Variants in STK3 observed in about 807,000 individuals in gnomAD.
The protein encoded by STK3 is serine/threonine kinase 3.
In STK3, 41 loss-of-function variants were observed where a neutral mutation model predicts 58.0. That is an observed-to-expected ratio of 0.71 (90% CI 0.55 to 0.92). The LOEUF is 0.92. STK3 is among the 40% of genes least tolerant of loss of function. The pLI is 0.00. For synonymous variants in STK3, 170 were observed against 191.0 expected, an observed-to-expected ratio of 0.89 and a Z score of 0.91; for missense variants, 479 against 602.7, an observed-to-expected ratio of 0.79 and a Z score of 2.15.
chr8:98,903,698 T>C (rs577092550), intron 1 of STK3, among the ~76,000 whole-genome samples: 2 of 152,154 alleles, frequency 1.3e-5, no homozygotes, highest in Admixed American at 1.3e-4. Flanking sequence ...CCACTGTGCC[T>C]GGCCTTAGGC....
intron 10 of STK3, among the ~76,000 whole-genome samples, chr8:98,469,485 C>CT (rs1455500059): frequency 6.6e-6 from 1 of 152,174 alleles, no homozygotes; most frequent in African/African-American, 2.4e-5. Flanking sequence ...AGCCAGACAC[C>CT]TGCCTTCTGA....
intron 3 of STK3, among the ~76,000 whole-genome samples, chr8:98,837,190 GA>G (rs1224855860): frequency 6.6e-6 from 1 of 151,912 alleles, no homozygotes; most frequent in Non-Finnish European, 1.5e-5. Flanking sequence ...CCTATGAAGG[GA>G]AAATATAGAA....
chr8:98,388,297 C>T (rs553717475), upstream of STK3: 6 of 152,072 alleles, frequency 3.9e-5, no homozygotes, highest in African/African-American at 1.4e-4. Context: ...ATATTGTAGC[C>T]CCCACTGTTA....
At chr8:98,913,821 C>T (rs1839239903) in intron 1 of STK3, among the ~76,000 whole-genome samples, 1 of 152,358 alleles carries the variant, frequency 6.6e-6, no homozygotes, top group East Asian at 1.9e-4. Flanking sequence ...TTGCCTCTGG[C>T]AGCCACAGGC....
chr8:98,644,458 T>A (rs1306712590), intron 6 of STK3, among the ~76,000 whole-genome samples: 2 of 152,180 alleles, frequency 1.3e-5, no homozygotes, highest in African/African-American at 4.8e-5. Context: ...TATTTCTAAG[T>A]CTTTAGAAAA....
intron 7 of STK3, among the ~76,000 whole-genome samples, chr8:98,589,191 C>G (rs998792511): frequency 6.6e-6 from 1 of 152,162 alleles, no homozygotes; most frequent in African/African-American, 2.4e-5. Flanking sequence ...TTAGAGTTTC[C>G]AGTTTTTCTG....
At chr8:98,366,124 C>T in the STK3 span, among the ~76,000 whole-genome samples, 1 of 152,148 alleles carries the variant, frequency 6.6e-6, no homozygotes, top group African/African-American at 2.4e-5. Context: ...ATTCCTGTTT[C>T]CCTATATTTT....
At chr8:98,768,067 AAAG>A (rs1394771505) in intron 2 of STK3, among the ~76,000 whole-genome samples, 1 of 152,234 alleles carries the variant, frequency 6.6e-6, no homozygotes, top group Non-Finnish European at 1.5e-5. Context: ...AAGCAAAAAC[AAAG>A]AAGGAAGAAG....
At chr8:98,942,364 C>T (rs1214629521) in intron 1 of STK3, 1 of 152,270 alleles carries the variant, frequency 6.6e-6, no homozygotes, top group Admixed American at 6.5e-5. Context: ...TGGAGCTCGC[C>T]GACTCTTCCC....
intron 10 of STK3, among the ~76,000 whole-genome samples, chr8:98,465,128 A>C (rs1167656662): frequency 6.6e-6 from 1 of 152,176 alleles, no homozygotes; most frequent in Non-Finnish European, 1.5e-5. Flanking sequence ...ATACTATCCT[A>C]AGGTCCTGTA....
At chr8:98,406,931 G>A (rs1563594315) in intron 3 of STK3, among the ~76,000 whole-genome samples, 1 of 152,164 alleles carries the variant, frequency 6.6e-6, no homozygotes, top group Non-Finnish European at 1.5e-5. Context: ...GGAAAAGACT[G>A]AGACAGTCAC....
intron 6 of STK3, among the ~76,000 whole-genome samples, chr8:98,663,663 C>T (rs564044074): frequency 6.6e-6 from 1 of 152,240 alleles, no homozygotes; most frequent in East Asian, 1.9e-4. Flanking sequence ...AAATGTGGCA[C>T]ATATACACCA....
intron 6 of STK3, among the ~76,000 whole-genome samples, chr8:98,617,987 A>G (rs1291818196): frequency 6.6e-6 from 1 of 152,146 alleles, no homozygotes; most frequent in Non-Finnish European, 1.5e-5. Flanking sequence ...TTCTGATACC[A>G]AAGCCGGGCA....
Position 98,428,467 on chromosome 8 carries a change from G to A in STK3, n.483+5660C>T. 1 of 1,614,100 alleles carries A rather than the reference G, an allele frequency of 6.2e-7. No individual in the cohort carries two copies. The highest frequency in any genetic ancestry group is 8.5e-7 in the Non-Finnish European group (1 of 1,180,018). ...TACAACGACGCCTCCAAGTTCGATG[G>A]GCAGCCCCTCGGCAACTTCCGCAGG... On this transcript the variant is annotated intron_variant and non_coding_transcript_variant, in intron 3 of 3. Transcript: ENST00000517832. This position sits in a 1 kb window ranked among gnomAD's most constrained non-coding sequence, Gnocchi z 6.7.
intron 10 of STK3, among the ~76,000 whole-genome samples, chr8:98,484,595 C>T (rs572416089): frequency 6.6e-6 from 1 of 151,976 alleles, no homozygotes; most frequent in South Asian, 2.1e-4. Flanking sequence ...ACGATTTCAC[C>T]ATTTACTATG....
intron 4 of STK3, among the ~76,000 whole-genome samples, chr8:98,742,539 T>C (rs1829306037): frequency 8.1e-6 from 1 of 123,054 alleles, no homozygotes; most frequent in African/African-American, 3.1e-5. Flanking sequence ...CAACGCTTCA[T>C]GCTAAAAACT....
chr8:98,770,068 T>C (rs993715784), intron 2 of STK3, among the ~76,000 whole-genome samples: 1 of 152,226 alleles, frequency 6.6e-6, no homozygotes, highest in African/African-American at 2.4e-5. Context: ...GACATTTAGA[T>C]AGATTCTCAT....
intron 10 of STK3, among the ~76,000 whole-genome samples, chr8:98,505,818 T>C (rs1315655766): frequency 6.6e-6 from 1 of 152,174 alleles, no homozygotes; most frequent in East Asian, 1.9e-4. Flanking sequence ...TGGCCCCTAC[T>C]GGGAGGTGTC....
chr8:98,715,384 C>T (rs923590925), intron 4 of STK3, among the ~76,000 whole-genome samples: 5 of 151,930 alleles, frequency 3.3e-5, no homozygotes, highest in African/African-American at 1.2e-4. Flanking sequence ...ATCTACTCAT[C>T]TGACAAAGGG....
Sources: allele counts gnomAD v4.1 joint callset (sites outside exome capture counted in the v4.1 genomes callset), GRCh38; gene constraint gnomAD v4.1.1; non-coding constraint Gnocchi (gnomAD v3.1); transcripts MANE v1.5; gene names NCBI Gene and HGNC (gene_info 2026-07-23, HGNC 2026-07-21).